Variants in SLC30A8 observed in about 807,000 individuals in gnomAD.
SLC30A8 encodes solute carrier family 30 member 8.
Under a neutral mutation model 36.9 loss-of-function variants are expected in SLC30A8, and 27 were observed. That is an observed-to-expected ratio of 0.73 (90% CI 0.54 to 1.01). The LOEUF (loss-of-function observed/expected upper bound fraction) is 1.01. SLC30A8 is among the 50% of genes least tolerant of loss of function. The pLI, the probability that SLC30A8 is intolerant of heterozygous loss-of-function variation, is 0.00. For synonymous variants in SLC30A8, 164 were observed against 172.4 expected, an observed-to-expected ratio of 0.95 and a Z score of 0.38; for missense variants, 439 against 452.0, an observed-to-expected ratio of 0.97 and a Z score of 0.26.
chr8:117,144,597 C>T (rs1261579381), intron 1 of SLC30A8, among the ~76,000 whole-genome samples: 1 of 152,022 alleles, frequency 6.6e-6, no homozygotes, highest in Non-Finnish European at 1.5e-5. Context: ...GTTAATTATG[C>T]TATGATATAG....
At chr8:117,124,554 T>C (rs1000117282) in intron 2 of SLC30A8, among the ~76,000 whole-genome samples, 6 of 151,410 alleles carry the variant, frequency 4.0e-5, no homozygotes, top group Non-Finnish European at 7.4e-5. Context: ...GTAATTCATA[T>C]GACTTTCGCT....
intron 1 of SLC30A8, among the ~76,000 whole-genome samples, chr8:116,969,285 G>A (rs916464775): frequency 2.6e-5 from 4 of 152,120 alleles, no homozygotes; most frequent in Admixed American, 2.0e-4. Flanking sequence ...GGGCGTAATG[G>A]TACACGCCTA....
chr8:117,024,851 T>C (rs58471133), intron 1 of SLC30A8, among the ~76,000 whole-genome samples: 1,539 of 152,284 alleles, frequency 0.01, 23 homozygotes, highest in African/African-American at 0.034. Context: ...TGCAAGATTT[T>C]CAGGTTTGTT....
chr8:117,032,842 G>T (rs998007531), intron 1 of SLC30A8, among the ~76,000 whole-genome samples: 5 of 151,828 alleles, frequency 3.3e-5, no homozygotes, highest in African/African-American at 9.7e-5. Context: ...ATGAGCTGAG[G>T]TTGCGCCATT....
rs116704552 is a variant in SLC30A8, at chr8:117,003,722, A to G, written c.-265-35497A>G. Among the ~76,000 whole-genome samples, 1,318 of 152,302 alleles carry G rather than the reference A, an allele frequency of 8.7e-3. 21 individuals are homozygous for G. Among genetic ancestry groups the G allele is most frequent in the African/African-American group, 0.03 (1,253 of 41,556 alleles). On this transcript the variant is annotated intron_variant, in intron 1 of 10. Transcript: ENST00000427715. ...GAAAATAATTAGCATTTTATTCTCC[A>G]GGCTGTTTAGAATCTTAGTAGCATA...
At chr8:116,981,710 C>T (rs947199246) in intron 1 of SLC30A8, among the ~76,000 whole-genome samples, 2 of 152,142 alleles carry the variant, frequency 1.3e-5, no homozygotes, top group East Asian at 1.9e-4. Context: ...GGATAATGGC[C>T]TCCCACTCCA....
At chr8:117,160,160 A>C (rs1822703347) in intron 4 of SLC30A8, among the ~76,000 whole-genome samples, 1 of 152,226 alleles carries the variant, frequency 6.6e-6, no homozygotes, top group South Asian at 2.1e-4. Context: ...TGGGGACTCA[A>C]AATCAGGACA....
intron 2 of SLC30A8, among the ~76,000 whole-genome samples, chr8:117,116,152 T>C (rs1820434102): frequency 6.6e-6 from 1 of 151,872 alleles, no homozygotes; most frequent in African/African-American, 2.4e-5. Flanking sequence ...TTGGGCAAGG[T>C]AGGATGACCC....
intron 2 of SLC30A8, among the ~76,000 whole-genome samples, chr8:117,092,191 A>G (rs900079329): frequency 6.6e-6 from 1 of 152,214 alleles, no homozygotes; most frequent in African/African-American, 2.4e-5. Flanking sequence ...GGTAAAAACA[A>G]AATACAAATA....
At chr8:117,046,739 T>C (rs1817563936) in intron 2 of SLC30A8, among the ~76,000 whole-genome samples, 1 of 152,230 alleles carries the variant, frequency 6.6e-6, no homozygotes, top group South Asian at 2.1e-4. Flanking sequence ...TCTCTGCATG[T>C]CTGCTTTGTC....
chr8:117,159,499 C>G (rs1822669898), intron 4 of SLC30A8, among the ~76,000 whole-genome samples: 1 of 152,154 alleles, frequency 6.6e-6, no homozygotes, highest in African/African-American at 2.4e-5. Context: ...GTTTGTGAAC[C>G]ATTGCTCAAA....
intron 1 of SLC30A8, among the ~76,000 whole-genome samples, chr8:116,984,221 T>C (rs1333208707): frequency 6.6e-6 from 1 of 152,140 alleles, no homozygotes; most frequent in African/African-American, 2.4e-5. Flanking sequence ...TGAAATGACA[T>C]TAGGATTGTT....
intron 1 of SLC30A8, among the ~76,000 whole-genome samples, chr8:116,973,732 A>T (rs947161114): frequency 6.6e-6 from 1 of 152,192 alleles, no homozygotes; most frequent in African/African-American, 2.4e-5. Flanking sequence ...CATTGCCAAG[A>T]CAATCCTAAG....
At position 117,157,811 on chromosome 8, in the gene SLC30A8, T is replaced by C; in HGVS notation, c.539T>C (p.Ile180Thr). Residue 180 changes from isoleucine (I) to threonine (T), a missense_variant, in exon 4 of 8, where the codon ATC (isoleucine) becomes ACC (threonine). By Grantham distance (89) the Ile-to-Thr change is moderately conservative (BLOSUM62 -1). Coordinates refer to ENST00000456015, the MANE Select transcript of SLC30A8 (RefSeq NM_173851.3). ...DYQIQATVMIIVSSCAVAANI... is the reference protein window; with the variant it reads ...DYQIQATVMITVSSCAVAANI... ...CAGATCCAGGCGACTGTGATGATCATCGTTTCCAGCTGCGCAGTGGCGGCC... is the reference window on the plus strand; with the variant it reads ...CAGATCCAGGCGACTGTGATGATCACCGTTTCCAGCTGCGCAGTGGCGGCC... 6.2e-7 allele frequency: 1 copy of C among 1,614,138 alleles called. No individual in the cohort carries two copies. Among genetic ancestry groups the C allele is most frequent in the Non-Finnish European group, 8.5e-7 (1 of 1,180,004 alleles).
chr8:117,052,387 C>T (rs1242817792), intron 2 of SLC30A8, among the ~76,000 whole-genome samples: 2 of 152,228 alleles, frequency 1.3e-5, no homozygotes, highest in Non-Finnish European at 2.9e-5. Flanking sequence ...CTAACACAAT[C>T]TGCATCTAGG....
At chr8:116,967,255 G>C (rs371634259) in intron 1 of SLC30A8, among the ~76,000 whole-genome samples, 2 of 152,174 alleles carry the variant, frequency 1.3e-5, no homozygotes. Context: ...AGCTGATTTA[G>C]CTTATATTAA....
intron 2 of SLC30A8, among the ~76,000 whole-genome samples, chr8:117,102,883 C>T (rs766079604): frequency 2.1e-4 from 32 of 151,976 alleles, no homozygotes; most frequent in African/African-American, 3.6e-4. Flanking sequence ...TTCCAGATTC[C>T]AAGTGGACAA....
rs183503614 is a variant in SLC30A8, at chr8:117,151,099, G to A, written c.272-1845G>A. On this transcript the variant is annotated intron_variant, in intron 2 of 7. Coordinates refer to ENST00000456015, the MANE Select transcript of SLC30A8 (RefSeq NM_173851.3). ...ACATTCCATACCTTCTGCTTTTCCC[G>A]AAAAGTTCTATGTTCTTTCACTCTA... is the stretch of plus-strand genomic sequence containing the variant. 8.9e-4 allele frequency among the ~76,000 whole-genome samples: 135 copies of A among 152,072 alleles called. 1 individual carries two copies. Among genetic ancestry groups the A allele is most frequent in the Non-Finnish European group, 1.5e-3 (105 of 67,990 alleles).
intron 2 of SLC30A8, among the ~76,000 whole-genome samples, chr8:117,129,092 G>A (rs999241625): frequency 1.4e-4 from 22 of 151,962 alleles, no homozygotes; most frequent in Admixed American, 6.6e-5. Context: ...TACACTGTTG[G>A]GTGGCAATTA....
Sources: gnomAD v4.1 joint callset for allele counts (sites outside exome capture counted in the v4.1 genomes callset) on GRCh38, gnomAD v4.1.1 for gene constraint, MANE v1.5 for transcripts, NCBI Gene and HGNC (gene_info 2026-07-23, HGNC 2026-07-21) for gene names.